The following DOK6 variants were observed in gnomAD, a reference collection of about 807,000 sequenced individuals.
The protein encoded by DOK6 is docking protein 6, also known as downstream of tyrosine kinase 6.
In DOK6, 22 loss-of-function variants were observed where a neutral mutation model predicts 44.0. The observed-to-expected ratio is 0.50, with a 90% CI of 0.36 to 0.71. The LOEUF is 0.71. Ranked by LOEUF, DOK6 falls within the 30% of genes least tolerant of loss-of-function variation. The pLI is 0.00. For synonymous variants in DOK6, 166 were observed against 145.5 expected (o/e 1.14, Z -1.01); for missense variants, 340 against 416.4 (o/e 0.82, Z 1.60).
intron 1 of DOK6, among the ~76,000 whole-genome samples, chr18:69,516,455 T>G (rs531237614): frequency 1.4e-4 from 21 of 152,160 alleles, no homozygotes; most frequent in Admixed American, 1.3e-3. Context: ...AAGAAGAAAG[T>G]GTTATGGAAG....
chr18:69,402,070 G>A (rs868354220), intron 1 of DOK6, among the ~76,000 whole-genome samples: 3 of 152,308 alleles, frequency 2.0e-5, no homozygotes, highest in Middle Eastern at 3.4e-3. Context: ...GGAGGCAGCG[G>A]GACAGGAGGG....
At chr18:69,447,572 C>G (rs974843067) in intron 1 of DOK6, among the ~76,000 whole-genome samples, 2 of 152,098 alleles carry the variant, frequency 1.3e-5, no homozygotes, top group Non-Finnish European at 2.9e-5. Flanking sequence ...TGTTGATTCT[C>G]TCTATTCTTT....
chr18:69,472,982 C>T (rs1847959784), intron 1 of DOK6, among the ~76,000 whole-genome samples: 1 of 152,184 alleles, frequency 6.6e-6, no homozygotes, highest in Admixed American at 6.5e-5. Context: ...CTGGCATTAG[C>T]TTCCCTTGTT....
At chr18:69,774,850 G>C (rs1462238380) in intron 7 of DOK6, among the ~76,000 whole-genome samples, 1 of 151,898 alleles carries the variant, frequency 6.6e-6, no homozygotes, top group Non-Finnish European at 1.5e-5. Context: ...TGACTTGTCA[G>C]ATTGAAGAAG....
chr18:69,719,681 T>C (rs1034333240), intron 5 of DOK6, among the ~76,000 whole-genome samples: 2 of 152,228 alleles, frequency 1.3e-5, no homozygotes, highest in Non-Finnish European at 2.9e-5. Flanking sequence ...GGGACTGTTA[T>C]CATCCTTGCT....
At chr18:69,478,361 C>T (rs553065635) in intron 1 of DOK6, among the ~76,000 whole-genome samples, 1 of 152,208 alleles carries the variant, frequency 6.6e-6, no homozygotes, top group East Asian at 1.9e-4. Flanking sequence ...GCTTGAATTT[C>T]TAATCTGACA....
intron 3 of DOK6, among the ~76,000 whole-genome samples, chr18:69,614,456 C>T (rs1304981861): frequency 6.6e-6 from 1 of 151,970 alleles, no homozygotes; most frequent in Non-Finnish European, 1.5e-5. Flanking sequence ...CTTGATGTTT[C>T]AATATATGTA....
At chr18:69,536,876 G>A (rs1010686766) in intron 1 of DOK6, among the ~76,000 whole-genome samples, 3 of 151,698 alleles carry the variant, frequency 2.0e-5, no homozygotes, top group African/African-American at 7.3e-5. Flanking sequence ...GTTAGTGACT[G>A]AAAGAACAAG....
intron 1 of DOK6, among the ~76,000 whole-genome samples, chr18:69,440,283 TATA>T (rs1362777605): frequency 6.6e-6 from 1 of 152,122 alleles, no homozygotes; most frequent in East Asian, 1.9e-4. Context: ...CCATGGCAGA[TATA>T]ATAATAATGA....
At chr18:69,528,560 A>T (rs1336180889) in intron 1 of DOK6, among the ~76,000 whole-genome samples, 3 of 152,178 alleles carry the variant, frequency 2.0e-5, no homozygotes, top group Non-Finnish European at 4.4e-5. Context: ...TACTTCTCCT[A>T]AGGAAAGCTC....
At chr18:69,471,064 A>G (rs1980086972) in intron 1 of DOK6, among the ~76,000 whole-genome samples, 1 of 151,954 alleles carries the variant, frequency 6.6e-6, no homozygotes, top group Non-Finnish European at 1.5e-5. Context: ...AGCCTGACCA[A>G]TATAGAGAAA....
chr18:69,670,845 C>G (rs1482972812), intron 3 of DOK6, among the ~76,000 whole-genome samples: 1 of 152,102 alleles, frequency 6.6e-6, no homozygotes. Flanking sequence ...ATTAAGAATT[C>G]TCCCCCAATG....
intron 7 of DOK6, among the ~76,000 whole-genome samples, chr18:69,765,014 A>G (rs1438899858): frequency 1.3e-5 from 2 of 152,206 alleles, no homozygotes; most frequent in South Asian, 2.1e-4. Flanking sequence ...TCAGAAGGAC[A>G]GGATGGAAAT....
At chr18:69,644,930 T>A (rs1312466536) in intron 3 of DOK6, among the ~76,000 whole-genome samples, 1 of 152,228 alleles carries the variant, frequency 6.6e-6, no homozygotes, top group Non-Finnish European at 1.5e-5. Flanking sequence ...ATGAATGCTT[T>A]GGAAGGACCA....
chr18:69,459,277 AT>A (rs1386984021), intron 1 of DOK6, among the ~76,000 whole-genome samples: 1 of 151,052 alleles, frequency 6.6e-6, no homozygotes, highest in African/African-American at 2.4e-5. Context: ...AATAAATTAA[AT>A]TTTAGTAACC....
intron 1 of DOK6, among the ~76,000 whole-genome samples, chr18:69,513,033 A>T (rs7231448): frequency 0.2 from 29,920 of 152,080 alleles, 3,174 homozygotes; most frequent in African/African-American, 0.24. Context: ...ATTTTATTAA[A>T]TATATGAGGT....
chr18:69,757,803 T>G lies in DOK6; in HGVS notation c.786T>G (p.Ser262=), dbSNP rs139044765. The G allele has an allele frequency of 9.3e-6, 15 of 1,614,022 alleles. No homozygotes were observed. Among genetic ancestry groups the G allele is most frequent in the Non-Finnish European group, 1.2e-5 (14 of 1,179,994 alleles). The change falls in exon 7 of 8, where the codon TCT becomes TCG. Residue 262 remains serine, a synonymous_variant. Transcript: ENST00000382713. ...CAATGACATTATCCAAATCAATATC[T>G]CTTCCTCGCAGCGCGTACTGGCATC... The part of the protein sequence containing the change: ...TEPMTLSKSI[S]LPRSAYWHHI...
intron 7 of DOK6, among the ~76,000 whole-genome samples, chr18:69,781,688 T>C (rs1031951506): frequency 6.6e-6 from 1 of 152,224 alleles, no homozygotes; most frequent in Non-Finnish European, 1.5e-5. Context: ...ATAATATTCG[T>C]TATTTTAATT....
chr18:69,621,342 C>A (rs1984434060), intron 3 of DOK6, among the ~76,000 whole-genome samples: 1 of 152,116 alleles, frequency 6.6e-6, no homozygotes, highest in African/African-American at 2.4e-5. Context: ...TCAGTGTCAG[C>A]TATTATTACT....
Sources: allele counts gnomAD v4.1 joint callset (sites outside exome capture counted in the v4.1 genomes callset), GRCh38; gene constraint gnomAD v4.1.1; transcripts MANE v1.5; gene names NCBI Gene and HGNC (gene_info 2026-07-23, HGNC 2026-07-21).